The following GNA14 variants were observed in gnomAD, a reference collection of about 807,000 sequenced individuals.
The protein encoded by GNA14 is guanine nucleotide-binding protein subunit alpha-14.
Under a neutral mutation model 42.0 loss-of-function variants are expected in GNA14, and 50 were observed. The observed-to-expected ratio is 1.19, with a 90% CI of 0.95 to 1.51. GNA14 has a LOEUF of 1.51. GNA14 is among the 40% of genes most tolerant of loss of function. The pLI is 0.00. For synonymous variants in GNA14, 173 were observed against 163.1 expected (o/e 1.06, Z -0.46); for missense variants, 473 against 446.2 (o/e 1.06, Z -0.54).
intron 2 of GNA14, among the ~76,000 whole-genome samples, chr9:77,503,041 T>C (rs1221471207): frequency 6.6e-6 from 1 of 152,196 alleles, no homozygotes; most frequent in Non-Finnish European, 1.5e-5. Context: ...CACCGTGTCC[T>C]TCCTTGGGCC....
intron 1 of GNA14, among the ~76,000 whole-genome samples, chr9:77,575,282 G>C (rs868487778): frequency 6.6e-6 from 1 of 152,104 alleles, no homozygotes; most frequent in Non-Finnish European, 1.5e-5. Context: ...ACTCAGAAGC[G>C]GAGGCAGGAG....
intron 1 of GNA14, among the ~76,000 whole-genome samples, chr9:77,565,598 C>G (rs543958408): frequency 6.6e-6 from 1 of 152,222 alleles, no homozygotes; most frequent in Admixed American, 6.5e-5. Context: ...GCTGGGATTA[C>G]AGGCATGCGC....
At chr9:77,465,639 A>G (rs1836209206) in intron 2 of GNA14, among the ~76,000 whole-genome samples, 1 of 150,142 alleles carries the variant, frequency 6.7e-6, no homozygotes, top group African/African-American at 2.5e-5. Flanking sequence ...TTCATTTTCA[A>G]AACATAGCTT....
At chr9:77,482,142 C>T (rs1401617040) in intron 2 of GNA14, among the ~76,000 whole-genome samples, 1 of 152,152 alleles carries the variant, frequency 6.6e-6, no homozygotes, top group Non-Finnish European at 1.5e-5. Flanking sequence ...TTCTTCCTAG[C>T]CTTGATCGTC....
intron 1 of GNA14, among the ~76,000 whole-genome samples, chr9:77,606,303 CCTT>C (rs1361538395): frequency 6.6e-6 from 1 of 152,200 alleles, no homozygotes; most frequent in African/African-American, 2.4e-5. Context: ...CATTCTTACT[CCTT>C]CTTTCTCATC....
chr9:77,605,642 CTTATG>C (rs746273774), intron 1 of GNA14, among the ~76,000 whole-genome samples: 7 of 152,092 alleles, frequency 4.6e-5, no homozygotes, highest in Non-Finnish European at 1.0e-4. Flanking sequence ...CCAGGAGGAC[CTTATG>C]TTAAGTGAAA....
chr9:77,588,261 A>G (rs1436040922), intron 1 of GNA14, among the ~76,000 whole-genome samples: 1 of 152,116 alleles, frequency 6.6e-6, no homozygotes, highest in African/African-American at 2.4e-5. Flanking sequence ...CATCCACCAC[A>G]CCCTGACACC....
chr9:77,627,048 G>A (rs1303584279), intron 1 of GNA14, among the ~76,000 whole-genome samples: 1 of 152,044 alleles, frequency 6.6e-6, no homozygotes, highest in East Asian at 1.9e-4. Flanking sequence ...TGATAAAGAG[G>A]ATATCACTAC....
At chr9:77,502,021 T>C (rs1052534570) in intron 2 of GNA14, among the ~76,000 whole-genome samples, 12 of 152,206 alleles carry the variant, frequency 7.9e-5, no homozygotes, top group Non-Finnish European at 1.5e-4. Context: ...TTGGATAATT[T>C]CTAATCTGTC....
intron 2 of GNA14, among the ~76,000 whole-genome samples, chr9:77,514,871 C>A (rs1292822218): frequency 6.6e-6 from 1 of 152,110 alleles, no homozygotes; most frequent in Admixed American, 6.5e-5. Context: ...CCTCGGCCTC[C>A]CAAAGTGCTG....
At chr9:77,469,365 TAA>T (rs10537760) in intron 2 of GNA14, among the ~76,000 whole-genome samples, 30,605 of 116,810 alleles carry the variant, frequency 0.26, 3,755 homozygotes, top group African/African-American at 0.36. Context: ...TAAACTGTGT[TAA>T]AAAAAAAAAA....
chr9:77,503,788 AG>A (rs1837013811), intron 2 of GNA14, among the ~76,000 whole-genome samples: 1 of 151,702 alleles, frequency 6.6e-6, no homozygotes, highest in Admixed American at 6.6e-5. Context: ...CTAGGATTAC[AG>A]GTGCCTGCCA....
intron 1 of GNA14, among the ~76,000 whole-genome samples, chr9:77,625,738 C>T (rs1231003589): frequency 6.6e-6 from 1 of 151,818 alleles, no homozygotes; most frequent in African/African-American, 2.4e-5. Context: ...GAAGGAAGCA[C>T]TAAATATGGA....
chr9:77,428,842 CCTT>C (rs1464638566), intron 5 of GNA14, 62 bp downstream of exon 5: 6 of 1,549,312 alleles, frequency 3.9e-6, no homozygotes, highest in Non-Finnish European at 5.3e-6. Context: ...GACCCGGCTG[CCTT>C]CTTAGAAACC....
intron 2 of GNA14, among the ~76,000 whole-genome samples, chr9:77,446,309 C>T (rs1235437514): frequency 6.6e-6 from 1 of 152,200 alleles, no homozygotes; most frequent in Admixed American, 6.5e-5. Flanking sequence ...CAACAAAACA[C>T]CAGCAAGGCT....
At chr9:77,512,067 C>A (rs550895026) in intron 2 of GNA14, among the ~76,000 whole-genome samples, 1 of 152,124 alleles carries the variant, frequency 6.6e-6, no homozygotes, top group South Asian at 2.1e-4. Context: ...GCCCCCACTG[C>A]CTGCTTGGCC....
At chr9:77,531,928 TA>T (rs1466476107) in intron 1 of GNA14, among the ~76,000 whole-genome samples, 2 of 152,220 alleles carry the variant, frequency 1.3e-5, no homozygotes, top group African/African-American at 4.8e-5. Flanking sequence ...ACCCATATTT[TA>T]AAATATTCTT....
In GNA14 at chr9:77,637,334, C is replaced by T. The variant is rs186627011; in HGVS notation, c.124+10336G>A. Among the ~76,000 whole-genome samples, 11 of 152,208 alleles carry T rather than the reference C, an allele frequency of 7.2e-5. No homozygotes were observed. The East Asian group carries it at 1.2e-3, about 16-fold the overall frequency. On this transcript the variant is annotated intron_variant, in intron 1 of 6. Transcript: ENST00000341700. ...ACCTTGACTCTCGTTATAATAGACT[C>T]TTTAAACCTAAGAAGCACACACTGA... is the stretch of plus-strand genomic sequence containing the variant.
intron 1 of GNA14, among the ~76,000 whole-genome samples, chr9:77,602,721 T>A (rs1486628284): frequency 6.6e-6 from 1 of 152,112 alleles, no homozygotes; most frequent in Non-Finnish European, 1.5e-5. Context: ...TTTTTTTCCT[T>A]CACACTCAAA....
Sources: gnomAD v4.1 joint callset for allele counts (sites outside exome capture counted in the v4.1 genomes callset) on GRCh38, gnomAD v4.1.1 for gene constraint, MANE v1.5 for transcripts, NCBI Gene and HGNC (gene_info 2026-07-23, HGNC 2026-07-21) for gene names.